The following CLSTN2 variants were observed in gnomAD, a reference collection of about 807,000 sequenced individuals.
CLSTN2 encodes calsyntenin 2, also known as calsyntenin-2.
Under a neutral mutation model 101.2 loss-of-function variants are expected in CLSTN2, and 48 were observed. The ratio of observed to expected loss-of-function variants is 0.47; its 90% CI spans 0.38 to 0.60. The LOEUF (loss-of-function observed/expected upper bound fraction) is 0.60, where lower values mean the gene tolerates loss of function less well. CLSTN2 is among the 20% of genes least tolerant of loss of function. CLSTN2 has a pLI of 0.00. For missense variants in CLSTN2, 1,160 were observed against 1,238.2 expected (o/e 0.94, Z 0.95); for synonymous variants, 481 against 463.6 (o/e 1.04, Z -0.48).
chr3:140,166,291 G>A (rs943822891), intron 1 of CLSTN2, among the ~76,000 whole-genome samples: 4 of 152,186 alleles, frequency 2.6e-5, no homozygotes, highest in African/African-American at 9.7e-5. Flanking sequence ...ATCTATCTTG[G>A]CCTAAGCAGT....
chr3:139,972,371 C>G (rs1234309704), intron 1 of CLSTN2, among the ~76,000 whole-genome samples: 1 of 152,128 alleles, frequency 6.6e-6, no homozygotes, highest in East Asian at 1.9e-4. Context: ...CTCTGTCCTA[C>G]CTCCAGACTG....
intron 1 of CLSTN2, among the ~76,000 whole-genome samples, chr3:139,971,871 A>G (rs555601300): frequency 3.7e-4 from 56 of 152,298 alleles, no homozygotes; most frequent in African/African-American, 1.3e-3. Context: ...CCTGGGCTCC[A>G]GTGTCACCAT....
chr3:140,264,454 A>T (rs2086679042), intron 2 of CLSTN2, among the ~76,000 whole-genome samples: 1 of 140,994 alleles, frequency 7.1e-6, no homozygotes, highest in South Asian at 2.3e-4. Flanking sequence ...AAACAGGAAC[A>T]CACATAATGC....
chr3:139,945,091 A>G (rs898184868), intron 1 of CLSTN2, among the ~76,000 whole-genome samples: 4 of 152,152 alleles, frequency 2.6e-5, no homozygotes, highest in African/African-American at 9.7e-5. Context: ...AAAAGACATC[A>G]TTTTTGTGAC....
chr3:140,470,148 G>A (rs182193351), intron 8 of CLSTN2, among the ~76,000 whole-genome samples: 1 of 152,354 alleles, frequency 6.6e-6, no homozygotes, highest in Non-Finnish European at 1.5e-5. Flanking sequence ...GCCTGATGGG[G>A]ACTCGCTTAT....
At chr3:140,496,168 G>A (rs1576598216) in intron 8 of CLSTN2, among the ~76,000 whole-genome samples, 2 of 152,126 alleles carry the variant, frequency 1.3e-5, no homozygotes, top group Admixed American at 1.3e-4. Context: ...TCTCCTTGAA[G>A]AGGTCTTTCA....
intron 8 of CLSTN2, among the ~76,000 whole-genome samples, chr3:140,522,169 C>T (rs975253017): frequency 6.6e-6 from 1 of 152,230 alleles, no homozygotes; most frequent in African/African-American, 2.4e-5. Context: ...AGGTGGCTGT[C>T]GCCCCAGCCT....
chr3:140,116,687 C>A (rs948406426), intron 1 of CLSTN2, among the ~76,000 whole-genome samples: 20 of 152,128 alleles, frequency 1.3e-4, no homozygotes, highest in Admixed American at 5.9e-4. Flanking sequence ...GATTGAGTGT[C>A]ATTTATCACC....
At chr3:140,275,815 A>G (rs958844282) in intron 2 of CLSTN2, among the ~76,000 whole-genome samples, 1 of 152,202 alleles carries the variant, frequency 6.6e-6, no homozygotes, top group African/African-American at 2.4e-5. Context: ...GTAAGTACAA[A>G]AGGGTACAGA....
intron 1 of CLSTN2, among the ~76,000 whole-genome samples, chr3:139,987,434 G>C (rs574916555): frequency 1.3e-5 from 2 of 152,304 alleles, no homozygotes; most frequent in East Asian, 1.9e-4. Context: ...ACTGAAAATA[G>C]ACGATAAAGT....
chr3:140,484,794 G>A (rs1576593168), intron 8 of CLSTN2, among the ~76,000 whole-genome samples: 1 of 152,168 alleles, frequency 6.6e-6, no homozygotes, highest in South Asian at 2.1e-4. Context: ...CTCTCGTGCT[G>A]TGGTTTTCAG....
chr3:139,942,052 T>C (rs545763565), intron 1 of CLSTN2, among the ~76,000 whole-genome samples: 1 of 152,306 alleles, frequency 6.6e-6, no homozygotes, highest in South Asian at 2.1e-4. Flanking sequence ...CTGGTAGGCA[T>C]GGGTTCCCCT....
chr3:140,250,567 T>C (rs2086554639), intron 2 of CLSTN2, among the ~76,000 whole-genome samples: 1 of 152,218 alleles, frequency 6.6e-6, no homozygotes. Flanking sequence ...TGCTCTTCCT[T>C]TGGGGCTTCC....
chr3:140,147,867 G>T (rs1214945126), intron 1 of CLSTN2, among the ~76,000 whole-genome samples: 1 of 152,196 alleles, frequency 6.6e-6, no homozygotes, highest in African/African-American at 2.4e-5. Flanking sequence ...GCCATATGAG[G>T]AGGTACTACT....
chr3:140,232,636 C>A (rs1024476566), intron 2 of CLSTN2, among the ~76,000 whole-genome samples: 14 of 152,246 alleles, frequency 9.2e-5, no homozygotes, highest in Admixed American at 6.5e-4. Context: ...CTGGCCTCTT[C>A]TGTTCCAGAC....
chr3:140,026,137 A>G (rs1348586911), intron 1 of CLSTN2, among the ~76,000 whole-genome samples: 4 of 151,896 alleles, frequency 2.6e-5, no homozygotes, highest in African/African-American at 7.3e-5. Context: ...ATGAATTCAA[A>G]CCTCTGCACT....
At chr3:140,362,333 C>T (rs866798392) in intron 2 of CLSTN2, among the ~76,000 whole-genome samples, 3 of 152,050 alleles carry the variant, frequency 2.0e-5, no homozygotes, top group Admixed American at 6.5e-5. Flanking sequence ...TTAACTTATA[C>T]GTAAAACATA....
rs2087043943 is a variant in CLSTN2 at position 140,300,089 on chromosome 3, G to A, written c.233-103540G>A. Among the ~76,000 whole-genome samples the A allele has an allele frequency of 2.0e-5, 3 of 152,214 alleles. No individual in the cohort carries two copies. The South Asian group carries it at 6.2e-4, about 32-fold the overall frequency. ...CTCCCTCACTGGGAGCTATTGCCCA[G>A]AATGCAGTCTCGCTCCCAATCTCCA... is the stretch of plus-strand genomic sequence containing the variant. On this transcript the variant is annotated intron_variant, in intron 2 of 16. Transcript: ENST00000458420.
At chr3:140,131,402 G>A (rs1246362830) in intron 1 of CLSTN2, among the ~76,000 whole-genome samples, 1 of 151,458 alleles carries the variant, frequency 6.6e-6, no homozygotes, top group Non-Finnish European at 1.5e-5. Flanking sequence ...CTGTATTCTT[G>A]CTTTCTTCTG....
Sources: allele counts gnomAD v4.1 joint callset (sites outside exome capture counted in the v4.1 genomes callset), GRCh38; gene constraint gnomAD v4.1.1; transcripts MANE v1.5; gene names NCBI Gene and HGNC (gene_info 2026-07-23, HGNC 2026-07-21).